Variants in STXBP6 observed in about 807,000 individuals in gnomAD.
STXBP6 encodes the protein syntaxin-binding protein 6.
STXBP6 carries 21 observed loss-of-function variants against 26.9 expected under a neutral mutation model. That is an observed-to-expected ratio of 0.78 (90% CI 0.55 to 1.12). STXBP6 has a LOEUF of 1.12. Ranked by LOEUF, STXBP6 falls within the 50% of genes most tolerant of loss-of-function variation. STXBP6 has a pLI of 0.00. For missense variants in STXBP6, 232 were observed against 257.9 expected (o/e 0.90, Z 0.69); for synonymous variants, 97 against 92.6 (o/e 1.05, Z -0.27).
At chr14:24,877,059 A>T (rs2070170157) in intron 2 of STXBP6, among the ~76,000 whole-genome samples, 2 of 152,214 alleles carry the variant, frequency 1.3e-5, no homozygotes, top group African/African-American at 4.8e-5. Flanking sequence ...TGCAATCAGT[A>T]TTGCTTAAGC....
chr14:24,958,154 A>C (rs889328629), intron 2 of STXBP6, among the ~76,000 whole-genome samples: 3 of 152,210 alleles, frequency 2.0e-5, no homozygotes, highest in Admixed American at 6.5e-5. Flanking sequence ...GGTTAGGCTA[A>C]AAATAGAATA....
intron 1 of STXBP6, among the ~76,000 whole-genome samples, chr14:24,994,076 A>G (rs1400002908): frequency 6.6e-6 from 1 of 152,120 alleles, no homozygotes; most frequent in Non-Finnish European, 1.5e-5. Context: ...CCAGTTCCCT[A>G]TGTTAAATCA....
At chr14:24,853,639 G>T (rs1320835155) in intron 4 of STXBP6, among the ~76,000 whole-genome samples, 1 of 152,090 alleles carries the variant, frequency 6.6e-6, no homozygotes, top group Non-Finnish European at 1.5e-5. Flanking sequence ...GAAAACTGAA[G>T]TCTAGAGCAG....
chr14:24,871,184 T>C (rs1056488919), intron 2 of STXBP6, among the ~76,000 whole-genome samples: 6 of 152,172 alleles, frequency 3.9e-5, no homozygotes, highest in African/African-American at 1.4e-4. Context: ...CTATCTCCTT[T>C]CCTCACTAAA....
At chr14:24,960,564 T>A (rs1008271841) in intron 2 of STXBP6, among the ~76,000 whole-genome samples, 1 of 152,352 alleles carries the variant, frequency 6.6e-6, no homozygotes, top group East Asian at 1.9e-4. Flanking sequence ...TCAGGCAGTG[T>A]ATCACATTTA....
chr14:24,912,078 G>T (rs1172550684), intron 2 of STXBP6, among the ~76,000 whole-genome samples: 1 of 152,096 alleles, frequency 6.6e-6, no homozygotes, highest in Non-Finnish European at 1.5e-5. Flanking sequence ...CACCAAGGGT[G>T]GGCAGTATCT....
chr14:24,856,630 A>G (rs2069342028), intron 3 of STXBP6, among the ~76,000 whole-genome samples: 1 of 152,070 alleles, frequency 6.6e-6, no homozygotes, highest in South Asian at 2.1e-4. Flanking sequence ...TGCATACTGA[A>G]AGATACCATT....
intron 1 of STXBP6, among the ~76,000 whole-genome samples, chr14:25,013,810 A>T (rs1157161839): frequency 6.6e-6 from 1 of 152,122 alleles, no homozygotes. Flanking sequence ...GGGACTGAAG[A>T]GGCATGTCAA....
At chr14:24,961,400 C>A (rs1595196232) in intron 2 of STXBP6, among the ~76,000 whole-genome samples, 1 of 150,298 alleles carries the variant, frequency 6.7e-6, no homozygotes, top group Admixed American at 6.6e-5. Flanking sequence ...CATGCATGAA[C>A]CTCAAATAAA....
At chr14:24,962,287 TTTTATTTATTTATTTATTTA>T (rs72330952) in intron 2 of STXBP6, among the ~76,000 whole-genome samples, 6,062 of 140,242 alleles carry the variant, frequency 0.043, 168 homozygotes, top group South Asian at 0.081. Context: ...GTACAAGATA[TTTTATTTATTTATTTATTTA>T]TTTATTTATT....
intron 2 of STXBP6, among the ~76,000 whole-genome samples, chr14:24,905,952 T>C (rs551206943): frequency 5.0e-4 from 76 of 152,294 alleles, no homozygotes; most frequent in African/African-American, 1.7e-3. Flanking sequence ...TAATAAGTAG[T>C]AGTTATAGAA....
At chr14:25,034,927 G>A (rs1411817239) in intron 1 of STXBP6, among the ~76,000 whole-genome samples, 2 of 152,080 alleles carry the variant, frequency 1.3e-5, no homozygotes, top group Non-Finnish European at 2.9e-5. Context: ...AAGGGGGGCA[G>A]ATCACCCGAA....
In STXBP6 at chr14:24,964,647, C is replaced by CTGTG. The variant is rs34132743; in HGVS notation, c.154+10014_154+10017dup. On this transcript the variant is annotated intron_variant, in intron 2 of 5. Coordinates refer to ENST00000323944, the MANE Select transcript of STXBP6 (RefSeq NM_001394410.1). ...TGACAGAGCTAGTACAGTTCTCATT[C>CTGTG]TGTGTGTGTGTGTGTGTGTGTGTGT... is the stretch of plus-strand genomic sequence containing the variant. 6.9e-3 allele frequency among the ~76,000 whole-genome samples: 965 copies of CTGTG among 140,194 alleles called. 7 individuals are homozygous for CTGTG. Among genetic ancestry groups the CTGTG allele is most frequent in the East Asian group, 0.012 (59 of 4,774 alleles). The allele number at this position is 140,194 out of a possible 152,430, so 92.0% of individuals were successfully genotyped here. A position where few individuals can be genotyped will look rare whatever the true frequency, so the allele number is the denominator to read the frequency against.
chr14:24,915,222 T>C (rs1001919875), intron 2 of STXBP6, among the ~76,000 whole-genome samples: 5 of 152,174 alleles, frequency 3.3e-5, no homozygotes, highest in African/African-American at 1.2e-4. Flanking sequence ...GAGATGGCTT[T>C]GTAAATTCTT....
chr14:24,820,677 T>C lies in STXBP6; in HGVS notation c.452-1483A>G, dbSNP rs1195693251. Among the ~76,000 whole-genome samples, 3 of 152,214 alleles carry C rather than the reference T, an allele frequency of 2.0e-5. No individual in the cohort carries two copies. In the East Asian group the frequency reaches 5.8e-4, roughly 29 times the overall value. On this transcript the variant is annotated intron_variant, in intron 4 of 5. Transcript: ENST00000323944. Reference sequence around the variant, plus strand: ...CATAACTATGATAATAACCCATCCATGCTGCTCAACACTTGAATAGCACTT... The same window carrying C: ...CATAACTATGATAATAACCCATCCACGCTGCTCAACACTTGAATAGCACTT...
At chr14:24,884,754 T>G (rs2070504985) in intron 2 of STXBP6, among the ~76,000 whole-genome samples, 1 of 131,514 alleles carries the variant, frequency 7.6e-6, no homozygotes, top group Non-Finnish European at 1.6e-5. Context: ...TGTTTATGAA[T>G]ACCCTATTAA....
At chr14:24,929,567 C>T (rs2072305967) in intron 2 of STXBP6, among the ~76,000 whole-genome samples, 1 of 152,178 alleles carries the variant, frequency 6.6e-6, no homozygotes, top group Non-Finnish European at 1.5e-5. Flanking sequence ...TGCTGAACTT[C>T]CAAGGAAGCT....
chr14:24,884,669 T>A (rs2070501340), intron 2 of STXBP6, among the ~76,000 whole-genome samples: 1 of 152,154 alleles, frequency 6.6e-6, no homozygotes, highest in Non-Finnish European at 1.5e-5. Context: ...CCAAAGTAGT[T>A]CTCCTGGCAA....
At chr14:24,988,523 T>C (rs543849977) in intron 1 of STXBP6, among the ~76,000 whole-genome samples, 5 of 152,326 alleles carry the variant, frequency 3.3e-5, no homozygotes, top group Non-Finnish European at 7.4e-5. Context: ...ACCCTTGAAA[T>C]GTAATTAAAA....
Sources: gnomAD v4.1 joint callset for allele counts (sites outside exome capture counted in the v4.1 genomes callset) on GRCh38, gnomAD v4.1.1 for gene constraint, MANE v1.5 for transcripts, NCBI Gene and HGNC (gene_info 2026-07-23, HGNC 2026-07-21) for gene names.